The following ACER3 variants were observed in gnomAD, a reference collection of about 807,000 sequenced individuals.
ACER3 encodes alkaline ceramidase 3, also known as alkCDase 3.
ACER3 carries 16 observed loss-of-function variants against 48.9 expected under a neutral mutation model. The ratio of observed to expected loss-of-function variants is 0.33; its 90% confidence interval spans 0.22 to 0.50. The LOEUF (loss-of-function observed/expected upper bound fraction) is 0.50, where lower values mean the gene tolerates loss of function less well. Among genes scored for constraint, ACER3 ranks in the 20% least tolerant of loss-of-function variants. ACER3 has a pLI of 0.98. For missense variants in ACER3, 227 were observed against 326.0 expected (o/e 0.70, Z 2.34); for synonymous variants, 109 against 107.8 (o/e 1.01, Z -0.07).
chr11:76,960,508 T>G lies in ACER3; in HGVS notation c.267+1477T>G, dbSNP rs531049961. 2.0e-5 allele frequency among the ~76,000 whole-genome samples: 3 copies of G among 152,328 alleles called. No individual in the cohort carries two copies. The East Asian group carries it at 5.8e-4, about 29-fold the overall frequency. On this transcript the variant is annotated intron_variant, in intron 3 of 10. Transcript: ENST00000532485. ...TCAATATAAAAAATTATGAATAAAG[T>G]ATTTCATATTCTTAAATCTGGTTAT...
chr11:76,984,752 T>C (rs1948653793), intron 4 of ACER3, among the ~76,000 whole-genome samples: 1 of 152,240 alleles, frequency 6.6e-6, no homozygotes, highest in Admixed American at 6.5e-5. Flanking sequence ...TTTTCTCCAA[T>C]AATATTCCTT....
intron 4 of ACER3, among the ~76,000 whole-genome samples, chr11:76,982,305 C>T (rs559176530): frequency 6.6e-6 from 1 of 151,636 alleles, no homozygotes; most frequent in African/African-American, 2.4e-5. Context: ...CAACCTCTGC[C>T]TCCCGGGTTC....
intron 1 of ACER3, among the ~76,000 whole-genome samples, chr11:76,865,507 T>C (rs1193222066): frequency 6.7e-6 from 1 of 149,762 alleles, no homozygotes; most frequent in Non-Finnish European, 1.5e-5. Context: ...ATTCCTCAGA[T>C]TGCATTTTTT....
At chr11:76,975,874 C>CTTTTTTTTTTTTTTTTTTTTTTTTTT (rs34786738) in intron 3 of ACER3, among the ~76,000 whole-genome samples, 1 of 82,772 alleles carries the variant, frequency 1.2e-5, no homozygotes, top group Non-Finnish European at 2.4e-5. Flanking sequence ...TTTTTCTTTT[C>CTTTTTTTTTTTTTTTTTTTTTTTTTT]TTTTTTTTTT....
intron 3 of ACER3, among the ~76,000 whole-genome samples, chr11:76,975,588 G>C (rs1049391292): frequency 3.3e-5 from 5 of 152,254 alleles, no homozygotes; most frequent in African/African-American, 1.2e-4. Flanking sequence ...AAATGCAAAA[G>C]AATACTGATA....
At chr11:76,984,821 T>C (rs1948655182) in intron 4 of ACER3, among the ~76,000 whole-genome samples, 1 of 152,076 alleles carries the variant, frequency 6.6e-6, no homozygotes, top group African/African-American at 2.4e-5. Context: ...TTAGGAGAGA[T>C]TATTTATTTA....
chr11:76,936,741 A>G (rs1322462480), intron 2 of ACER3, among the ~76,000 whole-genome samples: 4 of 148,890 alleles, frequency 2.7e-5, no homozygotes, highest in African/African-American at 7.4e-5. Context: ...TTTTTAAGAC[A>G]GAGTCTCGCT....
intron 1 of ACER3, among the ~76,000 whole-genome samples, chr11:76,893,234 G>T (rs1294345736): frequency 2.0e-5 from 3 of 152,140 alleles, no homozygotes; most frequent in African/African-American, 2.4e-5. Context: ...GCTGGGCATA[G>T]TGACACGTGC....
intron 1 of ACER3, among the ~76,000 whole-genome samples, chr11:76,879,303 G>A (rs567353272): frequency 4.1e-4 from 62 of 152,276 alleles, no homozygotes; most frequent in African/African-American, 1.4e-3. Context: ...CACATATGGT[G>A]TAAGGTAGGG....
At chr11:76,938,355 G>A (rs1220921454) in intron 2 of ACER3, among the ~76,000 whole-genome samples, 1 of 152,014 alleles carries the variant, frequency 6.6e-6, no homozygotes, top group Non-Finnish European at 1.5e-5. Flanking sequence ...GTCTTGCTCT[G>A]TCACCTAGGC....
intron 4 of ACER3, among the ~76,000 whole-genome samples, chr11:76,977,853 A>G (rs570759067): frequency 7.5e-4 from 115 of 152,330 alleles, no homozygotes; most frequent in African/African-American, 2.7e-3. Flanking sequence ...TTGCCCCTGC[A>G]GGCTTGAAAG....
At chr11:77,010,228 G>A (rs906634210) in intron 7 of ACER3, among the ~76,000 whole-genome samples, 4 of 151,520 alleles carry the variant, frequency 2.6e-5, no homozygotes, top group Non-Finnish European at 5.9e-5. Context: ...TGCTCTTGTA[G>A]TCCTAACTAC....
rs1949537327 is a variant in ACER3, at chr11:77,025,415, T to C, written c.*5088T>C. On this transcript the variant is annotated 3_prime_UTR_variant, in exon 11 of 11. Coordinates refer to ENST00000532485, the MANE Select transcript of ACER3 (RefSeq NM_018367.7). ...CTTTATATATATATATATATATTTATTTATTTTTTTGAGACAGAGTCTCTC... is the reference window on the plus strand; with the variant it reads ...CTTTATATATATATATATATATTTACTTATTTTTTTGAGACAGAGTCTCTC... The C allele has an allele frequency of 6.8e-6, 1 of 147,272 alleles. No homozygotes were observed. The highest frequency in any genetic ancestry group is 2.1e-4 in the South Asian group (1 of 4,736). The allele number at this position is 147,272 out of a possible 1,614,324, so 9.1% of individuals were successfully genotyped here.
chr11:76,976,184 G>A, intron 3 of ACER3, 105 bp from the exon 4 acceptor site: 2 of 881,228 alleles, frequency 2.3e-6, no homozygotes, highest in Admixed American at 4.4e-5. Flanking sequence ...TCTGTGCCTG[G>A]TCTAAGAGCT....
rs924511939 is a variant in ACER3, at chr11:77,020,537, T to A, written c.*210T>A. On this transcript the variant is annotated 3_prime_UTR_variant, in exon 11 of 11. Transcript: ENST00000532485. The stretch of plus-strand genomic sequence containing the variant: ...GGCTTTATCTTATTTGTCCCCCTCC[T>A]CCTTTCACGCTCCAGTTTATAAAGA... 11 of 531,254 alleles carry A rather than the reference T, an allele frequency of 2.1e-5. No homozygotes were observed. Among genetic ancestry groups the A allele is most frequent in the Non-Finnish European group, 3.4e-5 (10 of 297,760 alleles). 32.9% of individuals were successfully genotyped at this position (531,254 alleles called of 1,614,324 possible). A position where few individuals can be genotyped will look rare whatever the true frequency, so the allele number is the denominator to read the frequency against.
At chr11:76,866,166 G>T (rs377517293) in intron 1 of ACER3, among the ~76,000 whole-genome samples, 1 of 152,052 alleles carries the variant, frequency 6.6e-6, no homozygotes, top group African/African-American at 2.4e-5. Context: ...TGGCAGTAGC[G>T]TCAGCATTCT....
chr11:76,980,774 T>TA (rs1454456241), intron 4 of ACER3, among the ~76,000 whole-genome samples: 1 of 152,232 alleles, frequency 6.6e-6, no homozygotes, highest in African/African-American at 2.4e-5. Flanking sequence ...TCAGCTCTGA[T>TA]ATTTAGTAAC....
chr11:76,905,443 G>A (rs911912761), intron 1 of ACER3, among the ~76,000 whole-genome samples: 1 of 152,162 alleles, frequency 6.6e-6, no homozygotes, highest in Non-Finnish European at 1.5e-5. Context: ...GGTGAATGGG[G>A]TGAATTCTAC....
At chr11:76,893,868 A>G (rs1361279508) in intron 1 of ACER3, among the ~76,000 whole-genome samples, 1 of 152,182 alleles carries the variant, frequency 6.6e-6, no homozygotes, top group Non-Finnish European at 1.5e-5. Context: ...AATGTCTGTT[A>G]TTTTAACTAA....
Sources: gnomAD v4.1 joint callset for allele counts (sites outside exome capture counted in the v4.1 genomes callset) on GRCh38, gnomAD v4.1.1 for gene constraint, MANE v1.5 for transcripts, NCBI Gene and HGNC (gene_info 2026-07-23, HGNC 2026-07-21) for gene names.